YAP1: variants seen among roughly 807,000 people sequenced by gnomAD.
The protein encoded by YAP1 is Yes1 associated transcriptional regulator, also known as transcriptional coactivator YAP1.
YAP1 carries 5 observed loss-of-function variants against 56.9 expected under a neutral mutation model. The ratio of observed to expected loss-of-function variants is 0.09; its 90% CI spans 0.05 to 0.18. YAP1 has a LOEUF of 0.18. Among genes scored for constraint, YAP1 ranks in the 10% least tolerant of loss-of-function variants. The probability of loss-of-function intolerance (pLI) is 1.00; values close to 1 mark genes in which losing one functional copy is unlikely to be tolerated. For missense variants in YAP1, 539 were observed against 651.8 expected (o/e 0.83, Z 1.88); for synonymous variants, 265 against 248.1 (o/e 1.07, Z -0.64).
At chr11:102,112,580 A>G in intron 1 of YAP1, 2 of 984,876 alleles carry the variant, frequency 2.0e-6, no homozygotes, top group Admixed American at 6.2e-5. Flanking sequence ...CCCCACTCCC[A>G]TTCCCTCTCC....
chr11:102,121,571 C>T (rs887850725), intron 2 of YAP1, among the ~76,000 whole-genome samples: 3 of 152,150 alleles, frequency 2.0e-5, no homozygotes, highest in African/African-American at 4.8e-5. Context: ...GTCAATGCAT[C>T]CATACTGTCT....
chr11:102,225,984 A>C (rs113480932), intron 7 of YAP1, among the ~76,000 whole-genome samples: 1 of 152,210 alleles, frequency 6.6e-6, no homozygotes, highest in African/African-American at 2.4e-5. Context: ...ATGGCCCTGT[A>C]AACTCTGTCC....
At chr11:102,209,612 T>C (rs1949295658) in intron 6 of YAP1, 48 bp downstream of exon 6, 2 of 1,376,902 alleles carry the variant, frequency 1.5e-6, no homozygotes, top group Admixed American at 2.3e-5. Context: ...AAAAAAAAGA[T>C]ATTAAATTAG....
At chr11:102,183,736 G>GTGTGTGTGTGTGTA (rs1947772242) in intron 3 of YAP1, among the ~76,000 whole-genome samples, 1 of 150,986 alleles carries the variant, frequency 6.6e-6, no homozygotes, top group African/African-American at 2.4e-5. Context: ...GTGTGTGTGT[G>GTGTGTGTGTGTGTA]TGTTTAAACC....
At chr11:102,164,685 A>C (rs1946493892) in intron 3 of YAP1, among the ~76,000 whole-genome samples, 1 of 152,086 alleles carries the variant, frequency 6.6e-6, no homozygotes, top group African/African-American at 2.4e-5. Context: ...TTTATGCTTT[A>C]AGTCAAAGGT....
At chr11:102,140,795 A>G (rs911610266) in intron 2 of YAP1, among the ~76,000 whole-genome samples, 1 of 151,930 alleles carries the variant, frequency 6.6e-6, no homozygotes, top group Non-Finnish European at 1.5e-5. Flanking sequence ...GTGAGCTGAG[A>G]TCGTGCTGTT....
At chr11:102,129,618 CAAAAAA>C (rs139054273) in intron 2 of YAP1, among the ~76,000 whole-genome samples, 2 of 100,194 alleles carry the variant, frequency 2.0e-5, no homozygotes. Context: ...ACTCTGTCTC[CAAAAAA>C]AAAAAAAAAA....
At chr11:102,166,438 G>T (rs1946615674) in intron 3 of YAP1, among the ~76,000 whole-genome samples, 1 of 152,174 alleles carries the variant, frequency 6.6e-6, no homozygotes, top group African/African-American at 2.4e-5. Flanking sequence ...ATGTTAATAA[G>T]GTTTCAGTAA....
At chr11:102,219,800 G>A (rs1327265717) in intron 6 of YAP1, among the ~76,000 whole-genome samples, 1 of 151,908 alleles carries the variant, frequency 6.6e-6, no homozygotes, top group Non-Finnish European at 1.5e-5. Flanking sequence ...GTCTCGCTCT[G>A]TCACCTAGGC....
intron 2 of YAP1, among the ~76,000 whole-genome samples, chr11:102,142,407 G>A (rs1945074243): frequency 1.3e-5 from 2 of 152,186 alleles, no homozygotes; most frequent in South Asian, 4.1e-4. Context: ...GTCAAACTGT[G>A]GAAAAGAAAT....
chr11:102,206,023 G>A lies in YAP1; in HGVS notation c.933G>A (p.Leu311=), dbSNP rs371123819. ...AGCAACAGATGCGACTGCAGCAACT[G>A]CAGATGGAGAAGGAGAGGCTGCGGC... ...NQQQQMRLQQ[L]QMEKERLRLK... Residue 311 remains leucine, a synonymous_variant, in exon 5 of 9, where the codon CTG becomes CTA. Coordinates refer to ENST00000282441, the MANE Select transcript of YAP1 (RefSeq NM_001130145.3). 1.9e-6 allele frequency: 3 copies of A among 1,613,922 alleles called. No individual in the cohort carries two copies. The highest frequency in any genetic ancestry group is 2.7e-5 in the African/African-American group (2 of 74,944).
intron 2 of YAP1, among the ~76,000 whole-genome samples, chr11:102,151,021 A>AATGCCTGACCCCGTGGTTGCTGGTCTCG (rs1565205168): frequency 1.5e-4 from 23 of 151,396 alleles, no homozygotes; most frequent in African/African-American, 4.9e-4. Context: ...GGCTGGTCTC[A>AATGCCTGACCCCGTGGTTGCTGGTCTCG]AATGCCTGAC....
chr11:102,144,748 A>C (rs1319249725), intron 2 of YAP1, among the ~76,000 whole-genome samples: 1 of 152,158 alleles, frequency 6.6e-6, no homozygotes, highest in Non-Finnish European at 1.5e-5. Context: ...CCAGAAGCTT[A>C]CTTTTAATTT....
intron 5 of YAP1, among the ~76,000 whole-genome samples, chr11:102,208,496 TAAA>T (rs1198511008): frequency 2.6e-5 from 4 of 151,992 alleles, no homozygotes; most frequent in African/African-American, 9.7e-5. Context: ...TTATCTGACA[TAAA>T]AAAGGATGGA....
intron 6 of YAP1, among the ~76,000 whole-genome samples, chr11:102,217,525 A>G (rs1409083851): frequency 6.6e-6 from 1 of 152,206 alleles, no homozygotes; most frequent in African/African-American, 2.4e-5. Flanking sequence ...TATAACATGA[A>G]TGAATCCCAA....
chr11:102,207,780 A>G (rs1435637517), intron 5 of YAP1, among the ~76,000 whole-genome samples: 1 of 152,188 alleles, frequency 6.6e-6, no homozygotes, highest in Non-Finnish European at 1.5e-5. Flanking sequence ...TGTCCATACA[A>G]TTCTAGTGTG....
At chr11:102,182,211 AG>A (rs1947667676) in intron 3 of YAP1, among the ~76,000 whole-genome samples, 1 of 152,206 alleles carries the variant, frequency 6.6e-6, no homozygotes, top group Non-Finnish European at 1.5e-5. Flanking sequence ...TATAGGGGTA[AG>A]GCTCAGCAAC....
At chr11:102,179,481 A>G (rs1222282172) in intron 3 of YAP1, among the ~76,000 whole-genome samples, 3 of 152,158 alleles carry the variant, frequency 2.0e-5, no homozygotes, top group South Asian at 2.1e-4. Context: ...ATTCTTAACC[A>G]TAAAAACGAA....
At chr11:102,121,273 A>C (rs556288028) in intron 2 of YAP1, among the ~76,000 whole-genome samples, 1 of 152,216 alleles carries the variant, frequency 6.6e-6, no homozygotes, top group East Asian at 1.9e-4. Flanking sequence ...TCTCATCTCT[A>C]TTAAAAATAC....
Sources: gnomAD v4.1 joint callset for allele counts (sites outside exome capture counted in the v4.1 genomes callset) on GRCh38, gnomAD v4.1.1 for gene constraint, MANE v1.5 for transcripts, NCBI Gene and HGNC (gene_info 2026-07-23, HGNC 2026-07-21) for gene names.